SNX6: variants seen among roughly 807,000 people sequenced by gnomAD.
The protein encoded by SNX6 is sorting nexin-6.
A neutral mutation model predicts 63.0 loss-of-function variants in SNX6; 34 were observed. That is an observed-to-expected ratio of 0.54 (90% CI 0.41 to 0.72). The LOEUF (loss-of-function observed/expected upper bound fraction) is 0.72. Ranked by LOEUF, SNX6 falls within the 30% of genes least tolerant of loss-of-function variation. The pLI is 0.00. For missense variants in SNX6, 398 were observed against 471.4 expected (o/e 0.84, Z 1.44); for synonymous variants, 170 against 164.2 (o/e 1.04, Z -0.27).
intron 10 of SNX6, among the ~76,000 whole-genome samples, 153 bp from the exon 11 acceptor site, chr14:34,575,995 C>G (rs1306537057): frequency 1.3e-5 from 2 of 151,010 alleles, no homozygotes; most frequent in Non-Finnish European, 2.9e-5. Context: ...GCTATCTTGG[C>G]TCACTGCAAG....
At chr14:34,588,057 G>C (rs1371849382) in intron 8 of SNX6, among the ~76,000 whole-genome samples, 2 of 150,918 alleles carry the variant, frequency 1.3e-5, no homozygotes, top group African/African-American at 4.9e-5. Context: ...ACCCAGGCTG[G>C]AGTGCAGTGG....
intron 8 of SNX6, among the ~76,000 whole-genome samples, chr14:34,592,251 T>A (rs1206428862): frequency 6.6e-6 from 1 of 152,128 alleles, no homozygotes; most frequent in Non-Finnish European, 1.5e-5. Flanking sequence ...CCAGGCGCGG[T>A]GGCAGGTGCC....
intron 13 of SNX6, 82 bp from the exon 14 acceptor site, chr14:34,563,257 A>G (rs1226492427): frequency 4.4e-6 from 6 of 1,370,856 alleles, no homozygotes; most frequent in Non-Finnish European, 6.2e-6. Flanking sequence ...GTTAGAAACG[A>G]CATAAAATAT....
At chr14:34,590,321 G>T (rs139441231) in intron 8 of SNX6, among the ~76,000 whole-genome samples, 1 of 151,668 alleles carries the variant, frequency 6.6e-6, no homozygotes, top group Admixed American at 6.6e-5. Flanking sequence ...CCAGGTTCTC[G>T]GGAGGCTGAG....
At chr14:34,568,711 G>T in intron 11 of SNX6, 1 of 912,260 alleles carries the variant, frequency 1.1e-6, no homozygotes, top group Non-Finnish European at 1.8e-6. Flanking sequence ...GTTGGCAACT[G>T]CCACCTGTCC....
In SNX6 at chr14:34,583,909, G is replaced by A. The variant is rs187019929; in HGVS notation, c.795-2309C>T. Among the ~76,000 whole-genome samples, 12 of 148,692 alleles carry A rather than the reference G, an allele frequency of 8.1e-5. No individual in the cohort carries two copies. The East Asian group carries it at 1.6e-3, about 20-fold the overall frequency. ...GTTGCCAAGGCTAGAGTACAATGGC[G>A]CAATCTCGGCTCACTGCAACCTCTG... On this transcript the variant is annotated intron_variant, in intron 9 of 13. Transcript: ENST00000362031.
At chr14:34,568,387 C>T (rs1353822167) in intron 11 of SNX6, among the ~76,000 whole-genome samples, 4 of 151,922 alleles carry the variant, frequency 2.6e-5, no homozygotes, top group African/African-American at 7.3e-5. Flanking sequence ...CACGCCACCA[C>T]GCCTGGCTAA....
chr14:34,597,528 A>C, intron 7 of SNX6, 22 bp downstream of exon 7: 1 of 1,353,800 alleles, frequency 7.4e-7, no homozygotes, highest in South Asian at 1.2e-5. Context: ...CTAATACCAC[A>C]GTTAATCAAA....
At chr14:34,567,098 C>T (rs145994982) in intron 13 of SNX6, among the ~76,000 whole-genome samples, 244 of 152,018 alleles carry the variant, frequency 1.6e-3, no homozygotes, top group Non-Finnish European at 1.8e-3. Flanking sequence ...GTGGCACGCA[C>T]CTGTAGTCCT....
intron 3 of SNX6, 32 bp downstream of exon 3, chr14:34,609,606 T>TAAA: frequency 6.9e-7 from 1 of 1,443,056 alleles, no homozygotes; most frequent in Non-Finnish European, 9.7e-7. Context: ...AATAAATGGC[T>TAAA]AAAATAATAG....
At chr14:34,600,243 G>C (rs930376858) in intron 6 of SNX6, among the ~76,000 whole-genome samples, 1 of 152,080 alleles carries the variant, frequency 6.6e-6, no homozygotes, top group Admixed American at 6.6e-5. Flanking sequence ...TCATGTCTCA[G>C]CCTCCCAAGT....
chr14:34,570,142 C>T (rs1342713490), intron 11 of SNX6, among the ~76,000 whole-genome samples: 1 of 151,728 alleles, frequency 6.6e-6, no homozygotes, highest in African/African-American at 2.4e-5. Flanking sequence ...GATCTCAGCT[C>T]ACCGCAACCT....
intron 11 of SNX6, among the ~76,000 whole-genome samples, chr14:34,570,716 T>G (rs1033807862): frequency 1.6e-5 from 2 of 126,600 alleles, no homozygotes; most frequent in Admixed American, 1.9e-4. Context: ...CCACCGCACC[T>G]GGCCTTCTCT....
intron 11 of SNX6, 171 bp downstream of exon 11, chr14:34,575,585 G>A (rs1881661092): frequency 3.3e-6 from 1 of 304,578 alleles, no homozygotes; most frequent in Admixed American, 5.1e-5. Context: ...CATGAAATAT[G>A]TACAATTATA....
intron 2 of SNX6, 37 bp downstream of exon 2, chr14:34,629,870 T>C: frequency 1.3e-6 from 2 of 1,550,548 alleles, no homozygotes; most frequent in South Asian, 2.4e-5. Flanking sequence ...GGAAGGAGGG[T>C]CCAGGGTCCC....
In SNX6 at chr14:34,567,844, G is replaced by C. The variant is rs190789373; in HGVS notation, c.1081+10C>G. ...GCATATCTTGTGATTAAAGGTTAAC[G>C]TAACAGTACCTTGTTTTGCAGACTC... is the stretch of plus-strand genomic sequence containing the variant. On this transcript the variant is annotated intron_variant, in intron 12 of 13. Transcript: ENST00000362031. The C allele has an allele frequency of 3.1e-6, 5 of 1,613,698 alleles. No individual in the cohort carries two copies. Among genetic ancestry groups the C allele is most frequent in the Non-Finnish European group, 4.2e-6 (5 of 1,179,854 alleles).
At chr14:34,610,310 G>A (rs144929914) in intron 2 of SNX6, among the ~76,000 whole-genome samples, 2,366 of 134,858 alleles carry the variant, frequency 0.018, 27 homozygotes, top group Middle Eastern at 0.032. Context: ...AGCAGTAATC[G>A]TGCCACTGAA....
At chr14:34,582,105 G>A (rs58405166) in intron 9 of SNX6, among the ~76,000 whole-genome samples, 17 of 151,084 alleles carry the variant, frequency 1.1e-4, no homozygotes, top group African/African-American at 4.1e-4. Context: ...GGGATTACAG[G>A]TGTGAGCCAC....
At chr14:34,568,690 T>C in intron 11 of SNX6, 1 of 928,850 alleles carries the variant, frequency 1.1e-6, no homozygotes, top group South Asian at 1.3e-5. Context: ...TGGTTTGTTC[T>C]AATGCTTCTT....
Sources: allele counts gnomAD v4.1 joint callset (sites outside exome capture counted in the v4.1 genomes callset), GRCh38; gene constraint gnomAD v4.1.1; transcripts MANE v1.5; gene names NCBI Gene and HGNC (gene_info 2026-07-23, HGNC 2026-07-21).